The following ZNF469 variants were observed in gnomAD, a reference collection of about 807,000 sequenced individuals.
The protein encoded by ZNF469 is zinc finger protein 469.
ZNF469 carries 1 observed loss-of-function variant against 1.0 expected under a neutral mutation model. The ratio of observed to expected loss-of-function variants is 1.00; its 90% CI spans 0.35 to 4.73. ZNF469 has a LOEUF of 4.73. Ranked by LOEUF, ZNF469 falls within the 30% of genes most tolerant of loss-of-function variation. ZNF469 has a pLI of 0.16. For synonymous variants in ZNF469, 2,703 were observed against 2,363.4 expected (o/e 1.14, Z -4.17); for missense variants, 6,100 against 5,356.3 (o/e 1.14, Z -4.33).
the ZNF469 span, among the ~76,000 whole-genome samples, chr16:88,184,038 G>A: frequency 6.6e-6 from 1 of 151,850 alleles, no homozygotes; most frequent in African/African-American, 2.4e-5. Context: ...CGGAGTCTCC[G>A]GCACTTTGAG....
the ZNF469 span, among the ~76,000 whole-genome samples, chr16:88,375,006 C>T: frequency 6.6e-6 from 1 of 152,246 alleles, no homozygotes; most frequent in African/African-American, 2.4e-5. Flanking sequence ...TTTGCAGAAA[C>T]CGCCCAGGCA....
chr16:88,169,061 G>C, the ZNF469 span, among the ~76,000 whole-genome samples: 33 of 152,140 alleles, frequency 2.2e-4, no homozygotes, highest in African/African-American at 8.0e-4. The surrounding 1 kb of genome is among the most constrained non-coding windows in gnomAD (Gnocchi z 6.1). Context: ...CAGAGTGTTA[G>C]GGTCCCTGGG....
At chr16:88,160,447 G>A in the ZNF469 span, among the ~76,000 whole-genome samples, 1 of 152,322 alleles carries the variant, frequency 6.6e-6, no homozygotes, top group East Asian at 1.9e-4. Flanking sequence ...TGCTTGGGGA[G>A]CAAGGGGTGC....
chr16:88,430,547 G>A lies in ZNF469; in HGVS notation c.3077G>A (p.Arg1026Gln), dbSNP rs898385117. 6 of 1,468,950 alleles carry A rather than the reference G, an allele frequency of 4.1e-6. No homozygotes were observed. Among genetic ancestry groups the A allele is most frequent in the East Asian group, 2.8e-5 (1 of 35,136 alleles). 91.0% of individuals were successfully genotyped at this position (1,468,950 alleles called of 1,614,324 possible). A position where few individuals can be genotyped will look rare whatever the true frequency, so the allele number is the denominator to read the frequency against. ...CTCCCCGAGGAGACCCGCAGCTCCC[G>A]GCGCCGCCGGCTGCCCCCCAGGAAG... ...AALPEETRSS[R>Q]RRRLPPRKDP... is the part of the protein sequence containing the mutation. The change falls in exon 3 of 3, where the codon CGG (arginine) becomes CAG (glutamine). Residue 1026 changes from arginine to glutamine, a missense_variant. Coordinates refer to ENST00000565624, the MANE Select transcript of ZNF469 (RefSeq NM_001367624.2).
chr16:88,161,147 C>T, the ZNF469 span, among the ~76,000 whole-genome samples: 7 of 136,258 alleles, frequency 5.1e-5, no homozygotes, highest in African/African-American at 1.7e-4. Context: ...GGTGACGGAG[C>T]GAGACTCCAT....
chr16:88,109,629 G>A, the ZNF469 span, among the ~76,000 whole-genome samples: 12 of 147,666 alleles, frequency 8.1e-5, no homozygotes, highest in Middle Eastern at 3.6e-3. Context: ...TCCTCTCCAG[G>A]ATCAGGAGGT....
chr16:88,216,395 G>A, the ZNF469 span, among the ~76,000 whole-genome samples: 1 of 151,744 alleles, frequency 6.6e-6, no homozygotes, highest in East Asian at 1.9e-4. Context: ...TTGGGAGGCT[G>A]AGGCAGGAGA....
At chr16:88,358,306 AG>A in the ZNF469 span, among the ~76,000 whole-genome samples, 18 of 152,156 alleles carry the variant, frequency 1.2e-4, no homozygotes, top group East Asian at 2.9e-3. Flanking sequence ...CACCCGGGGG[AG>A]GGGGGCTGGT....
the ZNF469 span, among the ~76,000 whole-genome samples, chr16:88,201,290 A>G: frequency 1.2e-4 from 19 of 152,332 alleles, no homozygotes; most frequent in African/African-American, 4.3e-4. This position sits in a 1 kb window ranked among gnomAD's most constrained non-coding sequence, Gnocchi z 5.0. Context: ...GCAGTGGCTC[A>G]CGCCTGTAAT....
chr16:88,400,715 TGGGATGGCACCCAA>T (rs71888360), intron 1 of ZNF469, among the ~76,000 whole-genome samples: 13,740 of 152,032 alleles, frequency 0.09, 876 homozygotes, highest in African/African-American at 0.18. Context: ...GAGGGCAAGC[TGGGATGGCACCCAA>T]GGTCAGCCTG....
At position 88,435,356 on chromosome 16, in the gene ZNF469, G is replaced by A. The variant is rs1441382259; in HGVS notation, c.7886G>A (p.Gly2629Glu). The A allele has an allele frequency of 1.9e-6, 3 of 1,550,386 alleles. No homozygotes were observed. Among genetic ancestry groups the A allele is most frequent in the Admixed American group, 2.0e-5 (1 of 51,010 alleles). The change falls in exon 3 of 3, where the codon GGG (glycine) becomes GAG (glutamate). Residue 2629 changes from glycine to glutamate, a missense_variant. Gly to Glu is a moderately conservative substitution (Grantham distance 98, BLOSUM62 -2). Coordinates refer to ENST00000565624, the MANE Select transcript of ZNF469 (RefSeq NM_001367624.2). ...GTGGACTCTCCTAGCCACTCAGAGG[G>A]GAAGTCAAATAAGAAAAGGGGAAAG... ...PTVDSPSHSE[G>E]KSNKKRGKLR...
the ZNF469 span, among the ~76,000 whole-genome samples, chr16:88,187,679 G>A: frequency 6.7e-6 from 1 of 149,328 alleles, no homozygotes; most frequent in South Asian, 2.1e-4. Context: ...TATAGAAACA[G>A]TTTGAAGTAG....
the ZNF469 span, among the ~76,000 whole-genome samples, chr16:88,316,586 G>A: frequency 7.3e-5 from 9 of 124,100 alleles, no homozygotes; most frequent in Admixed American, 1.1e-4. Context: ...TCGTTCTGTC[G>A]CTCAGGCTGG....
chr16:88,185,949 G>GCA, the ZNF469 span, among the ~76,000 whole-genome samples: 5 of 150,456 alleles, frequency 3.3e-5, no homozygotes, highest in African/African-American at 1.2e-4. Flanking sequence ...TATAGTACAT[G>GCA]CACACACACA....
the ZNF469 span, among the ~76,000 whole-genome samples, chr16:88,160,710 C>A: frequency 6.6e-6 from 1 of 152,246 alleles, no homozygotes; most frequent in East Asian, 1.9e-4. Flanking sequence ...CACTGCTGTA[C>A]CTCCCGTTGG....
chr16:88,233,027 C>A, the ZNF469 span, among the ~76,000 whole-genome samples: 1 of 152,216 alleles, frequency 6.6e-6, no homozygotes, highest in Non-Finnish European at 1.5e-5. Flanking sequence ...CCGCCAGATC[C>A]TCAGGCGCTG....
the ZNF469 span, among the ~76,000 whole-genome samples, chr16:88,185,550 C>T: frequency 1.1e-4 from 17 of 152,172 alleles, no homozygotes; most frequent in East Asian, 3.9e-4. Context: ...CACTCACATT[C>T]GCACTCACAC....
chr16:88,439,573 C>G lies in ZNF469; in HGVS notation c.*241C>G, dbSNP rs1906859508. ...GGGGCCACTGCAGCCCTTTTGAGACCACACAGCTGTTTTCTTGGTACCAAG... is the reference window on the plus strand; with the variant it reads ...GGGGCCACTGCAGCCCTTTTGAGACGACACAGCTGTTTTCTTGGTACCAAG... On this transcript the variant is annotated 3_prime_UTR_variant, in exon 3 of 3. Transcript: ENST00000565624. 1.8e-6 allele frequency: 1 copy of G among 562,420 alleles called. No homozygotes were observed. The highest frequency in any genetic ancestry group is 1.9e-5 in the African/African-American group (1 of 53,240). 34.8% of individuals were successfully genotyped at this position (562,420 alleles called of 1,614,324 possible).
chr16:88,305,315 CACACACAG>C, the ZNF469 span, among the ~76,000 whole-genome samples: 1 of 150,802 alleles, frequency 6.6e-6, no homozygotes. Flanking sequence ...CACATGCACA[CACACACAG>C]GCACACACGC....
Sources: allele counts gnomAD v4.1 joint callset (sites outside exome capture counted in the v4.1 genomes callset), GRCh38; gene constraint gnomAD v4.1.1; non-coding constraint Gnocchi (gnomAD v3.1); transcripts MANE v1.5; gene names NCBI Gene and HGNC (gene_info 2026-07-23, HGNC 2026-07-21).